The following CADPS variants were observed in gnomAD, a reference collection of about 807,000 sequenced individuals.
The protein encoded by CADPS is calcium dependent secretion activator.
A neutral mutation model predicts 167.3 loss-of-function variants in CADPS; 57 were observed. The ratio of observed to expected loss-of-function variants is 0.34; its 90% CI spans 0.28 to 0.42. CADPS has a LOEUF of 0.42. CADPS is among the 20% of genes least tolerant of loss of function. The probability of loss-of-function intolerance (pLI) is 1.00; values close to 1 mark genes in which losing one functional copy is unlikely to be tolerated. For missense variants in CADPS, 1,414 were observed against 1,738.1 expected, an observed-to-expected ratio of 0.81 and a Z score of 3.32; for synonymous variants, 676 against 635.3, an observed-to-expected ratio of 1.06 and a Z score of -0.96.
At chr3:62,567,194 G>A (rs916555152) in intron 9 of CADPS, among the ~76,000 whole-genome samples, 11 of 152,012 alleles carry the variant, frequency 7.2e-5, no homozygotes, top group Non-Finnish European at 1.3e-4. Context: ...CCCAAAATAA[G>A]AGGTCATCTA....
chr3:62,855,589 C>G (rs1472113941), intron 1 of CADPS, among the ~76,000 whole-genome samples: 1 of 151,918 alleles, frequency 6.6e-6, no homozygotes, highest in African/African-American at 2.4e-5. Context: ...GAATGCCAAG[C>G]AATAAATATT....
chr3:62,505,858 AG>A (rs2066585013), intron 17 of CADPS, among the ~76,000 whole-genome samples: 1 of 152,144 alleles, frequency 6.6e-6, no homozygotes, highest in Admixed American at 6.6e-5. Context: ...GGGCCAGGGT[AG>A]GTCATCAAAT....
intron 1 of CADPS, among the ~76,000 whole-genome samples, chr3:62,873,576 T>C (rs1437614854): frequency 2.0e-5 from 3 of 149,156 alleles, no homozygotes; most frequent in Admixed American, 6.7e-5. Flanking sequence ...GTACCCCTCA[T>C]CCCTTTCTCC....
intron 1 of CADPS, among the ~76,000 whole-genome samples, chr3:62,869,533 T>A (rs1353287014): frequency 6.6e-6 from 1 of 152,200 alleles, no homozygotes; most frequent in African/African-American, 2.4e-5. Context: ...CTAGTCTACT[T>A]TCTCTATGAA....
At chr3:62,744,255 C>G (rs1028082093) in intron 3 of CADPS, among the ~76,000 whole-genome samples, 4 of 151,526 alleles carry the variant, frequency 2.6e-5, no homozygotes, top group Non-Finnish European at 5.9e-5. Flanking sequence ...GAGGTCAGGA[C>G]GTAAATTATG....
chr3:62,793,945 C>T (rs1218884782), intron 1 of CADPS, among the ~76,000 whole-genome samples: 2 of 152,130 alleles, frequency 1.3e-5, no homozygotes, highest in African/African-American at 4.8e-5. Context: ...TGTCCTAGAG[C>T]CAAGAAGTCC....
intron 28 of CADPS, among the ~76,000 whole-genome samples, chr3:62,407,282 G>A (rs980592840): frequency 6.6e-6 from 1 of 152,146 alleles, no homozygotes; most frequent in Non-Finnish European, 1.5e-5. Context: ...ATTCCCATTG[G>A]AATATTTCTG....
chr3:62,628,032 C>T (rs2064454374), intron 6 of CADPS, among the ~76,000 whole-genome samples: 1 of 152,184 alleles, frequency 6.6e-6, no homozygotes, highest in Non-Finnish European at 1.5e-5. Context: ...ACACCTAGCT[C>T]TTTTCTATTG....
At chr3:62,697,003 G>A (rs1170581670) in intron 3 of CADPS, among the ~76,000 whole-genome samples, 1 of 152,114 alleles carries the variant, frequency 6.6e-6, no homozygotes, top group Non-Finnish European at 1.5e-5. Context: ...CCTGAGAGAT[G>A]TAGCAAGGCA....
chr3:62,647,757 C>G (rs985599142), intron 5 of CADPS, among the ~76,000 whole-genome samples: 1 of 152,172 alleles, frequency 6.6e-6, no homozygotes, highest in Non-Finnish European at 1.5e-5. Flanking sequence ...GACTTCACAT[C>G]CTGATTATGC....
At chr3:62,780,182 T>G (rs1487935856) in intron 1 of CADPS, among the ~76,000 whole-genome samples, 1 of 152,140 alleles carries the variant, frequency 6.6e-6, no homozygotes, top group African/African-American at 2.4e-5. Flanking sequence ...CTCAGGGGTA[T>G]TTTCCAAATA....
chr3:62,649,543 CTTTT>C (rs369874258), intron 5 of CADPS, among the ~76,000 whole-genome samples: 1,355 of 37,622 alleles, frequency 0.036, 13 homozygotes, highest in East Asian at 0.054. Flanking sequence ...AATATGTGGT[CTTTT>C]TTTTTTTTTT....
chr3:62,442,857 T>A (rs1223126079), intron 27 of CADPS, among the ~76,000 whole-genome samples: 1 of 152,086 alleles, frequency 6.6e-6, no homozygotes, highest in African/African-American at 2.4e-5. Flanking sequence ...TAACCCCTCC[T>A]AGGATTGATT....
chr3:62,805,408 C>T (rs2094029992), intron 1 of CADPS, among the ~76,000 whole-genome samples: 1 of 152,166 alleles, frequency 6.6e-6, no homozygotes, highest in African/African-American at 2.4e-5. Context: ...TTTGATCACT[C>T]CATTAGGAAG....
At chr3:62,782,507 G>A (rs1415662334) in intron 1 of CADPS, among the ~76,000 whole-genome samples, 1 of 152,144 alleles carries the variant, frequency 6.6e-6, no homozygotes, top group Non-Finnish European at 1.5e-5. Flanking sequence ...TACTTAATGT[G>A]TCATTAAAAG....
intron 1 of CADPS, chr3:62,779,836 T>C (rs943196818): frequency 4.2e-6 from 1 of 238,296 alleles, no homozygotes; most frequent in Non-Finnish European, 8.3e-6. Context: ...AATGCAGTTT[T>C]AGAAGACTAA....
chr3:62,569,884 C>A (rs1291562082), intron 9 of CADPS, among the ~76,000 whole-genome samples: 1 of 152,000 alleles, frequency 6.6e-6, no homozygotes, highest in Non-Finnish European at 1.5e-5. Context: ...ACTGAAAAAT[C>A]CTGATGCAAA....
At position 62,478,571 on chromosome 3, in the gene CADPS, G is replaced by A. The variant is rs1408631626; in HGVS notation, c.3174-155C>T. On this transcript the variant is annotated intron_variant, in intron 22 of 29. Transcript: ENST00000383710. This position sits in a 1 kb window ranked among gnomAD's most constrained non-coding sequence, Gnocchi z 5.7. ...TGGAGGCGGGGGCGAGTCTCCACCG[G>A]CAGATTTTGAGTTTTACCATACATG... Among the ~76,000 whole-genome samples the A allele has an allele frequency of 2.6e-5, 4 of 152,096 alleles. No homozygotes were observed. Among genetic ancestry groups the A allele is most frequent in the African/African-American group, 9.7e-5 (4 of 41,410 alleles).
intron 9 of CADPS, among the ~76,000 whole-genome samples, chr3:62,559,531 G>C (rs2078773724): frequency 6.6e-6 from 1 of 150,508 alleles, no homozygotes. Context: ...TTTTCTTCTT[G>C]TTGCCCAGAC....
Sources: allele counts gnomAD v4.1 joint callset (sites outside exome capture counted in the v4.1 genomes callset), GRCh38; gene constraint gnomAD v4.1.1; non-coding constraint Gnocchi (gnomAD v3.1); transcripts MANE v1.5; gene names NCBI Gene and HGNC (gene_info 2026-07-23, HGNC 2026-07-21).